Variants in SPAG1 observed in about 807,000 individuals in gnomAD.
SPAG1 encodes the protein sperm-associated antigen 1.
A neutral mutation model predicts 100.5 loss-of-function variants in SPAG1; 69 were observed. That is an observed-to-expected ratio of 0.69 (90% CI 0.57 to 0.84). The LOEUF (loss-of-function observed/expected upper bound fraction) is 0.84, where lower values mean the gene tolerates loss of function less well. SPAG1 is among the 40% of genes least tolerant of loss of function. The pLI is 0.00. For missense variants in SPAG1, 955 were observed against 1,133.1 expected, an observed-to-expected ratio of 0.84 and a Z score of 2.26; for synonymous variants, 336 against 411.6, an observed-to-expected ratio of 0.82 and a Z score of 2.22.
chr8:100,162,654 T>C (rs1342268816), intron 2 of SPAG1, among the ~76,000 whole-genome samples: 1 of 152,172 alleles, frequency 6.6e-6, no homozygotes, highest in East Asian at 1.9e-4. Context: ...CTTCTCTACA[T>C]TTTCTAGGAG....
intron 9 of SPAG1, among the ~76,000 whole-genome samples, chr8:100,193,761 TAAACAAAC>T (rs56225795): frequency 4.6e-5 from 7 of 151,906 alleles, no homozygotes; most frequent in Non-Finnish European, 8.8e-5. Context: ...ATATTTTAAA[TAAACAAAC>T]AGCGTATGTA....
At chr8:100,224,428 G>C (rs1469429292) in intron 13 of SPAG1, among the ~76,000 whole-genome samples, 2 of 152,152 alleles carry the variant, frequency 1.3e-5, no homozygotes, top group East Asian at 3.8e-4. Context: ...TGTAATCCCA[G>C]CTACTTGGGG....
At chr8:100,198,765 T>C (rs1330483886) in intron 10 of SPAG1, among the ~76,000 whole-genome samples, 1 of 152,326 alleles carries the variant, frequency 6.6e-6, no homozygotes, top group Non-Finnish European at 1.5e-5. Context: ...AGAAATTCTA[T>C]ACCCATTGGC....
chr8:100,210,448 C>T (rs1488614802), intron 10 of SPAG1, among the ~76,000 whole-genome samples: 1 of 152,164 alleles, frequency 6.6e-6, no homozygotes, highest in African/African-American at 2.4e-5. Context: ...ACTACTCACA[C>T]TACCCTACTT....
chr8:100,240,859 TTTTTG>T (rs1412661055), intron 18 of SPAG1, 27 bp from the exon 19 acceptor site: 3 of 1,574,498 alleles, frequency 1.9e-6, no homozygotes, highest in African/African-American at 2.8e-5. Context: ...CATAGTTGGT[TTTTTG>T]TTTTTTTTTT....
At chr8:100,183,928 T>TTTGGTTTTTATTGTTCTTTC (rs1250694248) in intron 5 of SPAG1, 28 bp from the exon 6 acceptor site, 1 of 1,130,506 alleles carries the variant, frequency 8.8e-7, no homozygotes, top group African/African-American at 1.6e-5. Flanking sequence ...ATTGTACTTT[T>TTTGGTTTTTATTGTTCTTTC]TTGGTTTTTA....
chr8:100,205,799 G>A (rs866643196), intron 10 of SPAG1, among the ~76,000 whole-genome samples: 3 of 151,800 alleles, frequency 2.0e-5, no homozygotes, highest in Admixed American at 6.6e-5. Flanking sequence ...GGCAGATCAC[G>A]AGGTCAAGAG....
At chr8:100,162,048 G>A (rs995815534) in intron 1 of SPAG1, among the ~76,000 whole-genome samples, 1 of 152,168 alleles carries the variant, frequency 6.6e-6, no homozygotes, top group Admixed American at 6.5e-5. Flanking sequence ...ACCTAGGTGG[G>A]ACAGGCACAA....
intron 10 of SPAG1, chr8:100,194,530 T>C (rs1010735275): frequency 3.5e-6 from 2 of 566,654 alleles, no homozygotes; most frequent in Non-Finnish European, 6.2e-6. Context: ...AATGGCTGTG[T>C]TTATTTGACA....
rs1305186541 is a variant in SPAG1, at chr8:100,213,207, A to G, written c.1214A>G (p.Gln405Arg). Residue 405 changes from glutamine to arginine, a missense_variant, in exon 11 of 19, where the codon CAG (glutamine) becomes CGG (arginine). Coordinates refer to ENST00000388798, the MANE Select transcript of SPAG1 (RefSeq NM_003114.5). ...AAGCGGCCGGCAAGGGGCGCGCCGC[A>G]GCGGGGCCAGACCCCGGAGGCCGGC... ...GGKRPARGAP[Q>R]RGQTPEAGAD... 3 of 1,452,606 alleles carry G rather than the reference A, an allele frequency of 2.1e-6. No individual in the cohort carries two copies. In the South Asian group the frequency reaches 3.9e-5, roughly 19 times the overall value. The allele number at this position is 1,452,606 out of a possible 1,614,324, so 90.0% of individuals were successfully genotyped here.
intron 4 of SPAG1, among the ~76,000 whole-genome samples, chr8:100,182,789 C>G (rs1274443974): frequency 6.6e-6 from 1 of 152,060 alleles, no homozygotes; most frequent in Admixed American, 6.6e-5. Context: ...TAATCATATT[C>G]ACACATAAGT....
At chr8:100,162,253 A>G (rs1366208330) in intron 1 of SPAG1, 26 bp from the exon 2 acceptor site, 3 of 1,518,284 alleles carry the variant, frequency 2.0e-6, no homozygotes, top group Non-Finnish European at 2.7e-6. Flanking sequence ...ACATTAGATT[A>G]ATAACTTTTA....
At chr8:100,180,849 T>C (rs1297635692) in intron 4 of SPAG1, among the ~76,000 whole-genome samples, 3 of 152,234 alleles carry the variant, frequency 2.0e-5, no homozygotes, top group Non-Finnish European at 4.4e-5. Context: ...TTATTTAACA[T>C]ACTTGAAAGT....
intron 10 of SPAG1, among the ~76,000 whole-genome samples, chr8:100,199,931 G>A (rs1237642852): frequency 6.6e-6 from 1 of 150,722 alleles, no homozygotes; most frequent in East Asian, 1.9e-4. Flanking sequence ...TTTTTTTAGG[G>A]TGCAGCAACT....
rs10097127 is a variant in SPAG1 at position 100,241,241 on chromosome 8, T to C, written c.*219T>C. 0.015 allele frequency: 5,080 copies of C among 346,742 alleles called. 229 individuals carry two copies. The highest frequency in any genetic ancestry group is 0.096 in the African/African-American group (4,561 of 47,560). The allele number at this position is 346,742 out of a possible 1,614,324, so 21.5% of individuals were successfully genotyped here. On this transcript the variant is annotated 3_prime_UTR_variant, in exon 19 of 19. Transcript: ENST00000388798. This position sits in a 1 kb window ranked among gnomAD's most constrained non-coding sequence, Gnocchi z 5.1. ...CTTATGTACCAGAACCAAATAAGTATATTTAGAACTTGTTAAAAATACATT... is the reference window on the plus strand; with the variant it reads ...CTTATGTACCAGAACCAAATAAGTACATTTAGAACTTGTTAAAAATACATT...
At chr8:100,165,688 G>A (rs1815518652) in intron 2 of SPAG1, 126 bp from the exon 3 acceptor site, 3 of 645,546 alleles carry the variant, frequency 4.6e-6, no homozygotes, top group Non-Finnish European at 8.0e-6. Flanking sequence ...TAAGGAAAGA[G>A]ACTGGGAAGC....
intron 10 of SPAG1, among the ~76,000 whole-genome samples, chr8:100,199,558 G>A (rs1260196056): frequency 2.0e-5 from 3 of 152,100 alleles, no homozygotes; most frequent in Non-Finnish European, 2.9e-5. Context: ...CAATTCTCCT[G>A]CCTCAGCCTC....
In SPAG1 at chr8:100,197,394, C is replaced by G. The variant is rs1817079909; in HGVS notation, c.1096+3126C>G. 2.0e-5 allele frequency among the ~76,000 whole-genome samples: 3 copies of G among 152,168 alleles called. No individual in the cohort carries two copies. In the South Asian group the frequency reaches 6.2e-4, roughly 32 times the overall value. On this transcript the variant is annotated intron_variant, in intron 10 of 18. Transcript: ENST00000388798. Reference sequence around the variant, plus strand: ...AAATAGCCGGAAACTCAGACATAATCTTTTCATCTTAAAATGAAATGAAAT... The same window carrying G: ...AAATAGCCGGAAACTCAGACATAATGTTTTCATCTTAAAATGAAATGAAAT...
intron 7 of SPAG1, chr8:100,184,991 A>T (rs2132261856): frequency 2.9e-6 from 1 of 342,898 alleles, no homozygotes; most frequent in African/African-American, 2.2e-5. Flanking sequence ...ATCTGACAGG[A>T]ATTCAACAGA....
Sources: gnomAD v4.1 joint callset for allele counts (sites outside exome capture counted in the v4.1 genomes callset) on GRCh38, gnomAD v4.1.1 for gene constraint, Gnocchi (gnomAD v3.1) non-coding constraint, MANE v1.5 for transcripts, NCBI Gene and HGNC (gene_info 2026-07-23, HGNC 2026-07-21) for gene names.